Variants in CASR observed in about 807,000 individuals in gnomAD.
CASR encodes extracellular calcium-sensing receptor.
CASR carries 23 observed loss-of-function variants against 69.1 expected under a neutral mutation model. The observed-to-expected ratio is 0.33, with a 90% CI of 0.24 to 0.47. The LOEUF is 0.47. Among genes scored for constraint, CASR ranks in the 20% least tolerant of loss-of-function variants. The pLI, the probability that CASR is intolerant of heterozygous loss-of-function variation, is 1.00. For synonymous variants in CASR, 541 were observed against 544.7 expected (o/e 0.99, Z 0.10); for missense variants, 924 against 1,356.1 (o/e 0.68, Z 5.00).
chr3:122,258,099 A>G (rs1576855221), intron 3 of CASR, among the ~76,000 whole-genome samples: 1 of 152,124 alleles, frequency 6.6e-6, no homozygotes, highest in South Asian at 2.1e-4. Flanking sequence ...ATAACCTGAC[A>G]TTTTCCTTCT....
At chr3:122,236,200 T>C in intron 1 of CASR, among the ~76,000 whole-genome samples, 1 of 152,240 alleles carries the variant, frequency 6.6e-6, no homozygotes, top group East Asian at 1.9e-4. Context: ...TGACCCAGCA[T>C]CAAAGTCAGG....
intron 1 of CASR, among the ~76,000 whole-genome samples, chr3:122,236,104 C>G (rs1477627522): frequency 1.3e-5 from 2 of 152,246 alleles, no homozygotes; most frequent in Non-Finnish European, 2.9e-5. Flanking sequence ...GCTCTTTTTA[C>G]AGTAACAAGA....
rs4677948 is a variant in CASR at position 122,285,251 on chromosome 3, A to T, written c.*60A>T. 0.95 allele frequency: 1,452,507 copies of T among 1,525,828 alleles called. 692,276 individuals carry two copies. The highest frequency in any genetic ancestry group is 0.98 in the East Asian group (43,778 of 44,474). 94.5% of individuals were successfully genotyped at this position (1,525,828 alleles called of 1,614,324 possible). ...GAGAGGTTTCTTGGGGTCCCAGGGAAGAGGAATCGCCCCAGACTCCTTTCC... is the reference window on the plus strand; with the variant it reads ...GAGAGGTTTCTTGGGGTCCCAGGGATGAGGAATCGCCCCAGACTCCTTTCC... On this transcript the variant is annotated 3_prime_UTR_variant, in exon 7 of 7. Coordinates refer to ENST00000639785, the MANE Select transcript of CASR (RefSeq NM_000388.4).
chr3:122,244,018 G>A (rs1327324975), intron 1 of CASR, among the ~76,000 whole-genome samples: 1 of 152,136 alleles, frequency 6.6e-6, no homozygotes, highest in Non-Finnish European at 1.5e-5. Context: ...ATGGTTACCA[G>A]AGGCTGGAGA....
chr3:122,247,655 CACACAAGTA>C, intron 1 of CASR: 1 of 152,266 alleles, frequency 6.6e-6, no homozygotes, highest in Non-Finnish European at 1.5e-5. Flanking sequence ...GCCGGCAGTA[CACACAAGTA>C]TGCACCCACT....
intron 1 of CASR, among the ~76,000 whole-genome samples, chr3:122,189,842 CCTCTT>C (rs2073822901): frequency 6.6e-6 from 1 of 152,188 alleles, no homozygotes; most frequent in African/African-American, 2.4e-5. Context: ...TTGCTTTTCT[CCTCTT>C]AACAGAAGTT....
chr3:122,215,514 G>A (rs2074109531), intron 1 of CASR, among the ~76,000 whole-genome samples: 1 of 152,134 alleles, frequency 6.6e-6, no homozygotes. Context: ...GATTATTACG[G>A]AGATCTCAAA....
At chr3:122,227,943 A>G (rs1315160976) in intron 1 of CASR, among the ~76,000 whole-genome samples, 1 of 75,446 alleles carries the variant, frequency 1.3e-5, no homozygotes, top group Non-Finnish European at 3.2e-5. Flanking sequence ...TTCTAAGGAC[A>G]TCTAAATGAC....
intron 1 of CASR, among the ~76,000 whole-genome samples, chr3:122,201,648 C>T (rs1324474016): frequency 1.3e-4 from 11 of 83,458 alleles, no homozygotes; most frequent in Admixed American, 3.4e-4. Flanking sequence ...ACCTCCCTCC[C>T]GGACGGGGCG....
intron 1 of CASR, among the ~76,000 whole-genome samples, chr3:122,242,829 T>A (rs951782000): frequency 3.9e-5 from 6 of 152,106 alleles, no homozygotes; most frequent in African/African-American, 1.4e-4. Flanking sequence ...AACAGACACA[T>A]AGCTCAGTGG....
Position 122,290,616 on chromosome 3 carries a change from TAAAGA to T in CASR, c.*5432_*5436del, listed in dbSNP as rs1177261226. 1 of 152,052 alleles carries T rather than the reference TAAAGA, an allele frequency of 6.6e-6. No individual in the cohort carries two copies. The highest frequency in any genetic ancestry group is 2.1e-4 in the South Asian group (1 of 4,816). The allele number at this position is 152,052 out of a possible 1,614,324, so 9.4% of individuals were successfully genotyped here. On this transcript the variant is annotated 3_prime_UTR_variant, in exon 7 of 7. Transcript: ENST00000639785. Reference sequence around the variant, plus strand: ...TAAGCACAAAATTATAACAGGAAAATAAAGAAAAGAATTTAAAATAAACATGCAAC... The same window carrying T: ...TAAGCACAAAATTATAACAGGAAAATAAAGAATTTAAAATAAACATGCAAC...
intron 1 of CASR, among the ~76,000 whole-genome samples, chr3:122,193,773 T>C (rs1019674791): frequency 2.0e-5 from 3 of 152,212 alleles, no homozygotes; most frequent in African/African-American, 7.2e-5. Context: ...GGTAAAACTA[T>C]GGAAAGGGAT....
At chr3:122,209,888 C>T (rs1043166862) in intron 1 of CASR, among the ~76,000 whole-genome samples, 1 of 152,170 alleles carries the variant, frequency 6.6e-6, no homozygotes, top group Non-Finnish European at 1.5e-5. Flanking sequence ...GCTTATCCAC[C>T]ATAATCAAGT....
intron 1 of CASR, among the ~76,000 whole-genome samples, chr3:122,251,114 G>C (rs1344223084): frequency 6.6e-6 from 1 of 152,146 alleles, no homozygotes; most frequent in African/African-American, 2.4e-5. Flanking sequence ...AGCGTCTGCT[G>C]GGGTCATCCT....
At chr3:122,252,756 A>G (rs1291453479) in intron 1 of CASR, among the ~76,000 whole-genome samples, 1 of 152,194 alleles carries the variant, frequency 6.6e-6, no homozygotes, top group Non-Finnish European at 1.5e-5. Flanking sequence ...CTTCTAAGAT[A>G]GAAAACAGTG....
rs1013301717 is a variant in CASR at position 122,289,991 on chromosome 3, G to A, written c.*4800G>A. The A allele has an allele frequency of 2.0e-5, 3 of 151,930 alleles. No individual in the cohort carries two copies. The highest frequency in any genetic ancestry group is 7.3e-5 in the African/African-American group (3 of 41,308). 9.4% of individuals were successfully genotyped at this position (151,930 alleles called of 1,614,324 possible). ...AGATAACTCAGGAGGCTGAGGTGGG[G>A]GGATCTGCTTGAGCCCAGGAGGTGA... On this transcript the variant is annotated 3_prime_UTR_variant, in exon 7 of 7. Coordinates refer to ENST00000639785, the MANE Select transcript of CASR (RefSeq NM_000388.4).
intron 1 of CASR, among the ~76,000 whole-genome samples, chr3:122,213,358 C>T (rs925810371): frequency 2.6e-5 from 4 of 152,152 alleles, no homozygotes; most frequent in Admixed American, 6.5e-5. Context: ...CCGTATTGTC[C>T]GTACCCACCC....
Position 122,272,916 on chromosome 3 carries a change from A to C in CASR, c.1378-2896A>C, listed in dbSNP as rs17197924. On this transcript the variant is annotated intron_variant, in intron 4 of 6. Coordinates refer to ENST00000639785, the MANE Select transcript of CASR (RefSeq NM_000388.4). Reference sequence around the variant, plus strand: ...AAATCTCCAGCCCATGCCAACAATAATGCAGAAGACTTGTAGCCAGGGATG... The same window carrying C: ...AAATCTCCAGCCCATGCCAACAATACTGCAGAAGACTTGTAGCCAGGGATG... Among the ~76,000 whole-genome samples the C allele has an allele frequency of 8.5e-3, 1,299 of 152,376 alleles. 18 individuals are homozygous for C. Among genetic ancestry groups the C allele is most frequent in the Middle Eastern group, 0.031 (9 of 294 alleles).
chr3:122,227,240 G>A (rs950962952), intron 1 of CASR, among the ~76,000 whole-genome samples: 8 of 152,244 alleles, frequency 5.3e-5, no homozygotes, highest in African/African-American at 1.9e-4. Context: ...GCGGTTGGCG[G>A]GACTGGGCTC....
Sources: allele counts gnomAD v4.1 joint callset (sites outside exome capture counted in the v4.1 genomes callset), GRCh38; gene constraint gnomAD v4.1.1; transcripts MANE v1.5; gene names NCBI Gene and HGNC (gene_info 2026-07-23, HGNC 2026-07-21).